Variants in FBXW7 observed in about 807,000 individuals in gnomAD.
FBXW7 encodes the protein F-box and WD repeat domain containing 7, also known as F-box/WD repeat-containing protein 7.
In FBXW7, 11 loss-of-function variants were observed where a neutral mutation model predicts 86.3. The ratio of observed to expected loss-of-function variants is 0.13; its 90% CI spans 0.08 to 0.21. The LOEUF is 0.21. Ranked by LOEUF, FBXW7 falls within the 10% of genes least tolerant of loss-of-function variation. The pLI, the probability that FBXW7 is intolerant of heterozygous loss-of-function variation, is 1.00. For synonymous variants in FBXW7, 313 were observed against 297.9 expected (o/e 1.05, Z -0.52); for missense variants, 488 against 847.4 (o/e 0.58, Z 5.27).
intron 2 of FBXW7, among the ~76,000 whole-genome samples, chr4:152,491,599 G>A (rs1357115764): frequency 6.6e-6 from 1 of 152,134 alleles, no homozygotes; most frequent in Non-Finnish European, 1.5e-5. Context: ...GGAGAAAGGA[G>A]TGCTGAATCA....
At chr4:152,522,229 T>C (rs1749090105) in intron 2 of FBXW7, among the ~76,000 whole-genome samples, 3 of 152,164 alleles carry the variant, frequency 2.0e-5, no homozygotes, top group Admixed American at 2.0e-4. Context: ...CCTCTATTCA[T>C]AATACACTTT....
At chr4:152,382,261 T>C (rs1330134269) in intron 4 of FBXW7, 5 of 1,606,158 alleles carry the variant, frequency 3.1e-6, no homozygotes, top group African/African-American at 1.3e-5. Flanking sequence ...TTTGATGTGG[T>C]AGAGGCTCTT....
chr4:152,479,905 T>C (rs751578552), intron 2 of FBXW7, among the ~76,000 whole-genome samples: 1 of 152,184 alleles, frequency 6.6e-6, no homozygotes, highest in Non-Finnish European at 1.5e-5. Flanking sequence ...ATTGATGCTG[T>C]TGGCACAGAT....
chr4:152,344,167 G>A (rs993372504), intron 6 of FBXW7, among the ~76,000 whole-genome samples: 3 of 152,104 alleles, frequency 2.0e-5, no homozygotes, highest in Non-Finnish European at 4.4e-5. Flanking sequence ...ACTTTATTAT[G>A]AAATTATATC....
At chr4:152,386,269 C>T (rs1033737991) in intron 4 of FBXW7, among the ~76,000 whole-genome samples, 24 of 152,004 alleles carry the variant, frequency 1.6e-4, no homozygotes, top group Non-Finnish European at 1.5e-5. Context: ...ACATGGACTC[C>T]AGAACCAAAC....
At chr4:152,347,989 G>T (rs1469422499) in intron 5 of FBXW7, among the ~76,000 whole-genome samples, 1 of 152,000 alleles carries the variant, frequency 6.6e-6, no homozygotes, top group Non-Finnish European at 1.5e-5. Context: ...GCAGCAGGAA[G>T]GTCTGGTTTA....
intron 2 of FBXW7, among the ~76,000 whole-genome samples, chr4:152,499,493 C>G (rs1464665055): frequency 6.6e-6 from 1 of 152,136 alleles, no homozygotes; most frequent in Non-Finnish European, 1.5e-5. Context: ...TCAAACCTGA[C>G]AGATTATAAC....
chr4:152,361,871 C>A (rs1345338905), intron 4 of FBXW7, among the ~76,000 whole-genome samples: 2 of 147,178 alleles, frequency 1.4e-5, no homozygotes, highest in Admixed American at 7.1e-5. Flanking sequence ...GAGGCTAAGG[C>A]AGGAGAATTG....
intron 2 of FBXW7, among the ~76,000 whole-genome samples, chr4:152,448,217 T>C (rs1161370348): frequency 6.6e-6 from 1 of 152,190 alleles, no homozygotes; most frequent in Non-Finnish European, 1.5e-5. Flanking sequence ...AGCAAGCAAG[T>C]GGTTGTCAGT....
In FBXW7 at chr4:152,442,817, T is replaced by C. The variant is rs574566051; in HGVS notation, c.-119-30288A>G. On this transcript the variant is annotated intron_variant, in intron 2 of 13. Transcript: ENST00000281708. ...AGTATCAGGGATAAGAACATGGGTCTTTAAGTTAGACATTACTGAGGTAAA... is the reference window on the plus strand; with the variant it reads ...AGTATCAGGGATAAGAACATGGGTCCTTAAGTTAGACATTACTGAGGTAAA... 4.3e-4 allele frequency among the ~76,000 whole-genome samples: 65 copies of C among 152,326 alleles called. 1 individual carries two copies. Among genetic ancestry groups the C allele is most frequent in the South Asian group, 1.0e-3 (5 of 4,830 alleles).
chr4:152,342,212 A>G (rs560559426), intron 6 of FBXW7, among the ~76,000 whole-genome samples: 1 of 152,186 alleles, frequency 6.6e-6, no homozygotes, highest in Non-Finnish European at 1.5e-5. Context: ...GTTTTATTTC[A>G]GGTAAATTAG....
chr4:152,442,839 TA>T (rs551699638), intron 2 of FBXW7, among the ~76,000 whole-genome samples: 265 of 152,230 alleles, frequency 1.7e-3, no homozygotes, highest in Middle Eastern at 0.014. Context: ...ATTACTGAGG[TA>T]AAAACCTAGA....
chr4:152,385,946 A>T (rs892743326), intron 4 of FBXW7, among the ~76,000 whole-genome samples: 3 of 152,010 alleles, frequency 2.0e-5, no homozygotes, highest in African/African-American at 7.2e-5. Context: ...GGGAGGATTC[A>T]AGTAACAGTA....
chr4:152,476,110 T>A (rs1744371261), intron 2 of FBXW7, among the ~76,000 whole-genome samples: 1 of 152,154 alleles, frequency 6.6e-6, no homozygotes, highest in Non-Finnish European at 1.5e-5. Context: ...GGCAATGATG[T>A]ATTAGCAAGA....
chr4:152,501,523 G>A (rs542523667), intron 2 of FBXW7, among the ~76,000 whole-genome samples: 20 of 152,272 alleles, frequency 1.3e-4, no homozygotes, highest in African/African-American at 4.6e-4. Context: ...AACTAGTCAA[G>A]ATATGGCCAC....
intron 2 of FBXW7, among the ~76,000 whole-genome samples, chr4:152,447,491 T>C (rs1025232393): frequency 2.0e-5 from 3 of 152,204 alleles, no homozygotes; most frequent in Non-Finnish European, 4.4e-5. Context: ...GTAGTTCTAT[T>C]TTACAGTTAG....
chr4:152,503,673 CAT>C (rs1747160228), intron 2 of FBXW7, among the ~76,000 whole-genome samples: 1 of 150,994 alleles, frequency 6.6e-6, no homozygotes, highest in African/African-American at 2.4e-5. Flanking sequence ...TCAAGAGTGG[CAT>C]AGATATTTTT....
intron 2 of FBXW7, among the ~76,000 whole-genome samples, chr4:152,422,064 GC>G (rs1360880468): frequency 6.6e-6 from 1 of 151,900 alleles, no homozygotes; most frequent in Non-Finnish European, 1.5e-5. Flanking sequence ...ACACAGGATT[GC>G]TCCAACCCTT....
At chr4:152,329,833 C>T in intron 9 of FBXW7, 48 bp from the exon 10 acceptor site, 1 of 1,058,646 alleles carries the variant, frequency 9.4e-7, no homozygotes, top group Non-Finnish European at 1.3e-6. Context: ...AAATTATGTT[C>T]TTTAAAATAC....
Sources: allele counts gnomAD v4.1 joint callset (sites outside exome capture counted in the v4.1 genomes callset), GRCh38; gene constraint gnomAD v4.1.1; transcripts MANE v1.5; gene names NCBI Gene and HGNC (gene_info 2026-07-23, HGNC 2026-07-21).